Variants in RBFOX1 observed in about 807,000 individuals in gnomAD.
The protein encoded by RBFOX1 is RNA binding fox-1 homolog 1, also known as RNA binding protein fox-1 homolog 1.
In RBFOX1, 8 loss-of-function variants were observed where a neutral mutation model predicts 57.7. The observed-to-expected ratio is 0.14, with a 90% CI of 0.08 to 0.25. RBFOX1 has a LOEUF of 0.25. RBFOX1 is among the 10% of genes least tolerant of loss of function. The pLI is 1.00. For missense variants in RBFOX1, 611 were observed against 548.5 expected (o/e 1.11, Z -1.14); for synonymous variants, 326 against 222.4 (o/e 1.47, Z -4.15).
At chr16:6,835,023 G>A (rs1342945360) in intron 3 of RBFOX1, among the ~76,000 whole-genome samples, 1 of 151,596 alleles carries the variant, frequency 6.6e-6, no homozygotes, top group Admixed American at 6.6e-5. Flanking sequence ...CTCCTGAGTA[G>A]CTGGGACTGT....
intron 4 of RBFOX1, among the ~76,000 whole-genome samples, chr16:7,282,559 C>T (rs1336987021): frequency 1.3e-5 from 2 of 149,508 alleles, no homozygotes; most frequent in Non-Finnish European, 3.0e-5. Context: ...GTTGATTAAG[C>T]TTTTTTTTTT....
At chr16:6,138,656 A>G (rs2096687116) in intron 1 of RBFOX1, among the ~76,000 whole-genome samples, 1 of 152,166 alleles carries the variant, frequency 6.6e-6, no homozygotes, top group African/African-American at 2.4e-5. Flanking sequence ...TCACGAGGTC[A>G]GGAGATCGAC....
intron 2 of RBFOX1, among the ~76,000 whole-genome samples, chr16:5,584,507 T>C (rs906017002): frequency 6.6e-6 from 1 of 152,232 alleles, no homozygotes; most frequent in Non-Finnish European, 1.5e-5. Context: ...TTTTTCATGC[T>C]GTGAGTTCCC....
intron 4 of RBFOX1, among the ~76,000 whole-genome samples, chr16:7,299,263 C>T (rs532305403): frequency 1.3e-5 from 2 of 152,172 alleles, no homozygotes; most frequent in Non-Finnish European, 2.9e-5. Flanking sequence ...TGATGTCAGT[C>T]TTTTAGGCAA....
intron 2 of RBFOX1, among the ~76,000 whole-genome samples, chr16:6,524,591 C>A (rs1013510642): frequency 6.6e-6 from 1 of 152,148 alleles, no homozygotes; most frequent in Non-Finnish European, 1.5e-5. Flanking sequence ...TTAAAAGGGC[C>A]TGTGGAGGAT....
At chr16:5,430,927 C>G (rs1034680528) in intron 1 of RBFOX1, among the ~76,000 whole-genome samples, 2 of 152,206 alleles carry the variant, frequency 1.3e-5, no homozygotes, top group African/African-American at 4.8e-5. Flanking sequence ...ATCCTACATA[C>G]TTCAGTGGGG....
intron 4 of RBFOX1, among the ~76,000 whole-genome samples, chr16:7,383,709 C>T (rs779533962): frequency 2.0e-5 from 3 of 152,056 alleles, no homozygotes; most frequent in Non-Finnish European, 2.9e-5. Context: ...GTATATTAAA[C>T]GCCTATTCAA....
rs774905385 is a variant in RBFOX1, at chr16:6,837,669, AAT to A, written c.-16+183021_-16+183022del. Among the ~76,000 whole-genome samples, 5 of 152,284 alleles carry A rather than the reference AAT, an allele frequency of 3.3e-5. No homozygotes were observed. The South Asian group carries it at 8.3e-4, about 25-fold the overall frequency. ...TCCCTCATTGAAAATTGAGGATAAT[AAT>A]AGTTTTAATTAAATAATGTGCTAAT... On this transcript the variant is annotated intron_variant, in intron 3 of 15. Transcript: ENST00000550418.
At chr16:7,238,943 T>G (rs2093917464) in intron 4 of RBFOX1, among the ~76,000 whole-genome samples, 1 of 152,174 alleles carries the variant, frequency 6.6e-6, no homozygotes, top group South Asian at 2.1e-4. Context: ...GCCTCCAGTT[T>G]CATCCATGTT....
chr16:6,639,256 G>T lies in RBFOX1; in HGVS notation c.-63-15347G>T, dbSNP rs190874744. ...CCCATTGGATGTCTTTCTGGAATCT[G>T]ATGTCTTTCTGTCTATCTGATTCCT... On this transcript the variant is annotated intron_variant, in intron 2 of 15. Transcript: ENST00000550418. Among the ~76,000 whole-genome samples the T allele has an allele frequency of 1.4e-4, 22 of 152,290 alleles. No individual in the cohort carries two copies. The East Asian group carries it at 4.2e-3, about 29-fold the overall frequency.
At chr16:7,462,126 C>G (rs976486388) in intron 4 of RBFOX1, among the ~76,000 whole-genome samples, 1 of 152,222 alleles carries the variant, frequency 6.6e-6, no homozygotes, top group East Asian at 1.9e-4. Flanking sequence ...AAGCTACTAC[C>G]TCTGTGAAGT....
At chr16:6,409,119 CAAAT>C (rs1346142094) in intron 2 of RBFOX1, among the ~76,000 whole-genome samples, 1 of 152,130 alleles carries the variant, frequency 6.6e-6, no homozygotes, top group Non-Finnish European at 1.5e-5. Context: ...TGTTTTATAA[CAAAT>C]AAAAGTTTAC....
chr16:7,079,984 A>G (rs1185797560), intron 4 of RBFOX1, among the ~76,000 whole-genome samples: 2 of 149,552 alleles, frequency 1.3e-5, no homozygotes, highest in African/African-American at 2.5e-5. Context: ...ATTAGTTAAA[A>G]TATTAAATTC....
chr16:7,297,590 GC>G (rs1392054551), intron 4 of RBFOX1, among the ~76,000 whole-genome samples: 1 of 152,046 alleles, frequency 6.6e-6, no homozygotes, highest in African/African-American at 2.4e-5. Context: ...CTCAGTAGTG[GC>G]TTTAAGCAGG....
intron 1 of RBFOX1, among the ~76,000 whole-genome samples, chr16:6,266,935 C>A (rs2074585772): frequency 6.6e-6 from 1 of 152,048 alleles, no homozygotes; most frequent in Non-Finnish European, 1.5e-5. Flanking sequence ...TAGCAGAGTG[C>A]CTTATGATTG....
chr16:7,516,307 T>C (rs112243827), intron 4 of RBFOX1, among the ~76,000 whole-genome samples: 4,999 of 151,962 alleles, frequency 0.033, 270 homozygotes, highest in African/African-American at 0.11. Flanking sequence ...TAGATAGATG[T>C]GCATGAACGC....
chr16:7,588,340 C>A (rs1001344692), intron 7 of RBFOX1, among the ~76,000 whole-genome samples: 1 of 152,202 alleles, frequency 6.6e-6, no homozygotes, highest in African/African-American at 2.4e-5. Context: ...CAGGCTCCAG[C>A]CCTGATCTGT....
Position 7,518,359 on chromosome 16 carries a change from G to C in RBFOX1, c.240G>C (p.Thr80=), listed in dbSNP as rs1006821072. Residue 80 remains threonine (T), a synonymous_variant, in exon 5 of 16, where the codon ACG becomes ACC. Coordinates refer to ENST00000550418, the MANE Select transcript of RBFOX1 (RefSeq NM_018723.4). ...ACTCCGAGCAGAGCCCGGCGGACAC[G>C]AGCGCTCAGACCGTCTCTGGCACCG... ...QTHSEQSPAD[T]SAQTVSGTAT... is the part of the protein sequence containing the mutation. 6.2e-7 allele frequency: 1 copy of C among 1,612,642 alleles called. No individual in the cohort carries two copies. The highest frequency in any genetic ancestry group is 1.3e-5 in the African/African-American group (1 of 74,914).
At chr16:6,132,842 C>T (rs557404286) in intron 1 of RBFOX1, among the ~76,000 whole-genome samples, 3 of 151,984 alleles carry the variant, frequency 2.0e-5, no homozygotes, top group African/African-American at 4.8e-5. Context: ...CCAAAATTAG[C>T]TGGGCATGGT....
Sources: allele counts gnomAD v4.1 joint callset (sites outside exome capture counted in the v4.1 genomes callset), GRCh38; gene constraint gnomAD v4.1.1; transcripts MANE v1.5; gene names NCBI Gene and HGNC (gene_info 2026-07-23, HGNC 2026-07-21).